Variants in MECOM observed in about 807,000 individuals in gnomAD.
MECOM encodes MDS1 and EVI1 complex locus, also known as histone-lysine N-methyltransferase MECOM.
In MECOM, 13 loss-of-function variants were observed where a neutral mutation model predicts 116.3. The ratio of observed to expected loss-of-function variants is 0.11; its 90% CI spans 0.07 to 0.18. The LOEUF (loss-of-function observed/expected upper bound fraction) is 0.18. Among genes scored for constraint, MECOM ranks in the 10% least tolerant of loss-of-function variants. The pLI is 1.00. For missense variants in MECOM, 1,299 were observed against 1,509.0 expected (o/e 0.86, Z 2.31); for synonymous variants, 528 against 535.2 (o/e 0.99, Z 0.19).
chr3:169,376,173 G>T (rs549125828), intron 2 of MECOM, among the ~76,000 whole-genome samples: 1 of 151,962 alleles, frequency 6.6e-6, no homozygotes, highest in South Asian at 2.1e-4. Context: ...TTGATGGAAC[G>T]TATCTCAAAA....
chr3:169,181,065 C>T (rs1260065477), intron 2 of MECOM, among the ~76,000 whole-genome samples: 1 of 151,812 alleles, frequency 6.6e-6, no homozygotes, highest in East Asian at 1.9e-4. Context: ...TCATGTAATC[C>T]TCATAACTAA....
intron 2 of MECOM, among the ~76,000 whole-genome samples, chr3:169,380,101 C>T (rs1013211133): frequency 6.6e-6 from 1 of 152,036 alleles, no homozygotes; most frequent in Non-Finnish European, 1.5e-5. Context: ...AGCAAGAGGA[C>T]AAAAAGTTGA....
intron 1 of MECOM, among the ~76,000 whole-genome samples, chr3:169,453,830 A>T (rs4955659): frequency 0.044 from 6,667 of 152,244 alleles, 483 homozygotes; most frequent in East Asian, 0.2. Context: ...ATAGGATCCC[A>T]CAATGGCCAT....
chr3:169,117,903 CGTT>C (rs1729693971), intron 7 of MECOM, among the ~76,000 whole-genome samples: 1 of 137,364 alleles, frequency 7.3e-6, no homozygotes, highest in Non-Finnish European at 1.6e-5. Flanking sequence ...GATTGAGCCA[CGTT>C]ATGTGTGAGC....
rs374393237 is a variant in MECOM at position 169,547,770 on chromosome 3, A to C, written c.37+115566T>G. ...CCAATGACCAGGGCCCTTATAAGAG[A>C]AAGGGGAGGGCAACTGGAGACCAGA... On this transcript the variant is annotated intron_variant, in intron 1 of 16. Transcript: ENST00000651503. 7.9e-5 allele frequency among the ~76,000 whole-genome samples: 12 copies of C among 152,102 alleles called. No homozygotes were observed. The East Asian group carries it at 2.3e-3, about 29-fold the overall frequency.
At chr3:169,603,484 TAA>T (rs1768088083) in intron 1 of MECOM, among the ~76,000 whole-genome samples, 1 of 152,240 alleles carries the variant, frequency 6.6e-6, no homozygotes, top group African/African-American at 2.4e-5. Flanking sequence ...ACAGTGTTTA[TAA>T]AGTCTGCAGC....
chr3:169,598,366 A>G (rs2109712104), intron 1 of MECOM, among the ~76,000 whole-genome samples: 2 of 152,364 alleles, frequency 1.3e-5, no homozygotes, highest in East Asian at 3.9e-4. Context: ...CAAGTTATAA[A>G]ACTGGCTGAA....
At chr3:169,244,312 C>T (rs1301612049) in intron 2 of MECOM, among the ~76,000 whole-genome samples, 3 of 152,210 alleles carry the variant, frequency 2.0e-5, no homozygotes, top group Non-Finnish European at 4.4e-5. Context: ...TGCAAATGTT[C>T]TGGTGTAGAC....
rs75708030 is a variant in MECOM, at chr3:169,459,443, A to G, written c.38-77919T>C. On this transcript the variant is annotated intron_variant, in intron 1 of 16. Coordinates refer to ENST00000651503, the MANE Select transcript of MECOM (RefSeq NM_004991.4). ...AATTTGGAGAAATCACTAAAACAAT[A>G]TTAAGTTTGTCACACTTTCTTTACA... 1.9e-3 allele frequency among the ~76,000 whole-genome samples: 287 copies of G among 152,342 alleles called. 5 individuals are homozygous for G. The East Asian group carries it at 0.05, about 26-fold the overall frequency.
At chr3:169,430,541 T>G (rs935807253) in intron 1 of MECOM, among the ~76,000 whole-genome samples, 3 of 152,206 alleles carry the variant, frequency 2.0e-5, no homozygotes, top group African/African-American at 7.2e-5. Flanking sequence ...TATTTCATAA[T>G]TGTCTAATTA....
At chr3:169,359,569 C>T (rs1204143441) in intron 2 of MECOM, among the ~76,000 whole-genome samples, 1 of 151,706 alleles carries the variant, frequency 6.6e-6, no homozygotes, top group East Asian at 1.9e-4. Context: ...TCATCAAGTG[C>T]TTTCTGTATT....
intron 16 of MECOM, 130 bp downstream of exon 16, chr3:169,088,870 A>G (rs1413069432): frequency 1.3e-6 from 1 of 760,672 alleles, no homozygotes; most frequent in Non-Finnish European, 1.9e-6. Context: ...GAACATTTTT[A>G]GAAAGGCATC....
chr3:169,276,300 C>A (rs529385518), intron 2 of MECOM, among the ~76,000 whole-genome samples: 2 of 152,132 alleles, frequency 1.3e-5, no homozygotes, highest in Non-Finnish European at 1.5e-5. Context: ...GCCTGTAATC[C>A]CAGCACTTTG....
rs757261463 is a variant in MECOM, at chr3:169,115,737, T to A, written c.2135A>T (p.Asp712Val). Residue 712 changes from aspartate (D) to valine (V), a missense_variant, in exon 8 of 17, where the codon GAT (aspartate) becomes GTT (valine). By Grantham distance (152) the Asp-to-Val change is radical. Around this residue, in one of 6 missense-constraint regions of MECOM, gnomAD observed 340 missense variants for 312.6 expected, o/e 1.09. Coordinates refer to ENST00000651503, the MANE Select transcript of MECOM (RefSeq NM_004991.4). ...CAAAGGTAACGATCTCAAGTCTCTA[T>A]CAGGAAATGGGTACATTGATTGAGA... The part of the protein sequence containing the change: ...AFSQSMYPFP[D>V]RDLRSLPLKM... 1 of 1,614,130 alleles carries A rather than the reference T, an allele frequency of 6.2e-7. No homozygotes were observed. The highest frequency in any genetic ancestry group is 1.7e-5 in the Admixed American group (1 of 60,016).
chr3:169,649,944 C>A (rs767990067), intron 1 of MECOM, among the ~76,000 whole-genome samples: 4 of 152,182 alleles, frequency 2.6e-5, no homozygotes, highest in Non-Finnish European at 5.9e-5. Context: ...GCCAGTAGAA[C>A]CAAAACCCAG....
At chr3:169,630,616 C>T (rs1242968190) in intron 1 of MECOM, among the ~76,000 whole-genome samples, 2 of 152,080 alleles carry the variant, frequency 1.3e-5, no homozygotes, top group Non-Finnish European at 2.9e-5. Flanking sequence ...CCATGTCCAG[C>T]TTATTTTGTA....
At chr3:169,524,976 A>T (rs1359495707) in intron 1 of MECOM, among the ~76,000 whole-genome samples, 1 of 94,052 alleles carries the variant, frequency 1.1e-5, no homozygotes, top group South Asian at 2.9e-4. Context: ...ATACTTGTTT[A>T]AAAAAAAAAA....
chr3:169,606,537 T>C (rs1768583137), intron 1 of MECOM, among the ~76,000 whole-genome samples: 1 of 152,206 alleles, frequency 6.6e-6, no homozygotes, highest in Admixed American at 6.5e-5. Flanking sequence ...GATCTACTAG[T>C]TAGCATACAG....
chr3:169,609,335 G>T (rs1305709711), intron 1 of MECOM, among the ~76,000 whole-genome samples: 2 of 152,142 alleles, frequency 1.3e-5, no homozygotes. Context: ...ATTTCATGAG[G>T]ACCATATGTT....
Sources: allele counts gnomAD v4.1 joint callset (sites outside exome capture counted in the v4.1 genomes callset), GRCh38; gene constraint gnomAD v4.1.1; regional missense constraint gnomAD v4.1.1; transcripts MANE v1.5; gene names NCBI Gene and HGNC (gene_info 2026-07-23, HGNC 2026-07-21).